ADGRL2: variants seen among roughly 807,000 people sequenced by gnomAD.
The protein encoded by ADGRL2 is adhesion G protein-coupled receptor L2.
Under a neutral mutation model 157.4 loss-of-function variants are expected in ADGRL2, and 44 were observed. That is an observed-to-expected ratio of 0.28 (90% CI 0.22 to 0.36). The LOEUF (loss-of-function observed/expected upper bound fraction) is 0.36, where lower values mean the gene tolerates loss of function less well. Among genes scored for constraint, ADGRL2 ranks in the 10% least tolerant of loss-of-function variants. ADGRL2 has a pLI of 1.00. For synonymous variants in ADGRL2, 585 were observed against 624.7 expected (o/e 0.94, Z 0.95); for missense variants, 1,510 against 1,768.9 (o/e 0.85, Z 2.63).
chr1:81,325,403 T>G (rs1660826564), intron 1 of ADGRL2, among the ~76,000 whole-genome samples: 1 of 152,212 alleles, frequency 6.6e-6, no homozygotes, highest in South Asian at 2.1e-4. Context: ...GAATTTCAGC[T>G]ATAAAGTTTT....
chr1:81,557,482 G>GAAAGAAAGAAAGAAGAAAGAAAGA (rs370696204), intron 2 of ADGRL2: 1 of 119,964 alleles, frequency 8.3e-6, no homozygotes, highest in African/African-American at 3.1e-5. Flanking sequence ...AAGAAAGAAA[G>GAAAGAAAGAAAGAAGAAAGAAAGA]AAGAAAGAAA....
chr1:81,950,318 G>A lies in ADGRL2; in HGVS notation c.1340G>A (p.Gly447Glu). The A allele has an allele frequency of 6.2e-7, 1 of 1,613,876 alleles. No individual in the cohort carries two copies. Among genetic ancestry groups the A allele is most frequent in the Non-Finnish European group, 8.5e-7 (1 of 1,179,914 alleles). ...GCTGGATCACAGGAAGGAAGCAAAG[G>A]GACAAAACCACCTCCAGCAGTTTCT... Reference protein sequence around the residue: ...TVAGSQEGSKGTKPPPAVSTT... With the variant: ...TVAGSQEGSKETKPPPAVSTT... The change falls in exon 7 of 24, where the codon GGG (glycine) becomes GAG (glutamate). Residue 447 changes from glycine (G) to glutamate (E), a missense_variant. Gly to Glu is a moderately conservative substitution (Grantham distance 98). Coordinates refer to ENST00000686636, the MANE Select transcript of ADGRL2 (RefSeq NM_001366006.2).
chr1:81,971,802 T>G lies in ADGRL2; in HGVS notation c.2955-50T>G. On this transcript the variant is annotated intron_variant, in intron 16 of 23. Coordinates refer to ENST00000686636, the MANE Select transcript of ADGRL2 (RefSeq NM_001366006.2). ...TTAAAATCCTATTTTCCTTGTGATG[T>G]TGAGGTTCCATAGAAACTACTAATG... 3.1e-6 allele frequency: 3 copies of G among 958,984 alleles called. 1 individual carries two copies. The highest frequency in any genetic ancestry group is 2.8e-5 in the South Asian group (2 of 71,266). 59.4% of individuals were successfully genotyped at this position (958,984 alleles called of 1,614,324 possible).
chr1:81,992,634 A>G lies in ADGRL2; in HGVS notation c.*1489A>G, dbSNP rs571531684. ...ATCTGCTGGATAAGTTTTAAGAGGG[A>G]TATATTCTGAAAGCATTTTTGTTTG... is the stretch of plus-strand genomic sequence containing the variant. On this transcript the variant is annotated 3_prime_UTR_variant, in exon 24 of 24. Transcript: ENST00000686636. Among the ~76,000 whole-genome samples the G allele has an allele frequency of 5.3e-5, 8 of 152,238 alleles. 1 individual carries two copies. The highest frequency in any genetic ancestry group is 1.0e-4 in the Non-Finnish European group (7 of 68,024).
At chr1:81,911,368 A>C (rs1307261741) in intron 3 of ADGRL2, among the ~76,000 whole-genome samples, 3 of 152,202 alleles carry the variant, frequency 2.0e-5, no homozygotes, top group Non-Finnish European at 4.4e-5. Flanking sequence ...GAATTCATTA[A>C]CAAACCAAAA....
chr1:81,469,410 G>A (rs979925950), intron 2 of ADGRL2, among the ~76,000 whole-genome samples: 1 of 152,136 alleles, frequency 6.6e-6, no homozygotes, highest in African/African-American at 2.4e-5. Flanking sequence ...CAGTGCTTCT[G>A]TTAAAGTCGC....
chr1:81,798,086 C>T (rs1024548496), upstream of ADGRL2, among the ~76,000 whole-genome samples: 1 of 152,102 alleles, frequency 6.6e-6, no homozygotes, highest in East Asian at 1.9e-4. Context: ...GCAGGGAATG[C>T]GTAACATACT....
intron 17 of ADGRL2, among the ~76,000 whole-genome samples, chr1:81,976,824 G>A (rs1421140009): frequency 3.3e-5 from 5 of 151,994 alleles, no homozygotes; most frequent in South Asian, 2.1e-4. Flanking sequence ...TGGCAAATCC[G>A]TCAGGCAGAA....
At chr1:81,475,051 C>T (rs2078244442) in intron 2 of ADGRL2, among the ~76,000 whole-genome samples, 1 of 152,168 alleles carries the variant, frequency 6.6e-6, no homozygotes, top group Non-Finnish European at 1.5e-5. Context: ...ACAATTCGTT[C>T]CTTAGGCCCC....
At chr1:81,972,037 T>C (rs1291790804) in intron 17 of ADGRL2, 119 bp downstream of exon 17, 2 of 522,190 alleles carry the variant, frequency 3.8e-6, no homozygotes, top group Admixed American at 3.7e-5. Context: ...TAAATATGCC[T>C]GTCTCACAGG....
chr1:81,836,990 G>A lies in ADGRL2; in HGVS notation c.6G>A (p.Val2=). 6.3e-7 allele frequency: 1 copy of A among 1,585,364 alleles called. No homozygotes were observed. The highest frequency in any genetic ancestry group is 8.6e-7 in the Non-Finnish European group (1 of 1,165,522). The change falls in exon 2 of 24, where the codon GTG becomes GTA. Residue 2 remains valine, a synonymous_variant. Transcript: ENST00000686636. ...AATACTTAAAGGGATCAATAATGGT[G>A]TCTTCTGGTTGCAGAATGCGAAGTC... is the stretch of plus-strand genomic sequence containing the variant. M[V]SSGCRMRSLW... is the part of the protein sequence containing the mutation.
chr1:81,901,932 A>G (rs1170445607), intron 2 of ADGRL2, among the ~76,000 whole-genome samples: 1 of 152,198 alleles, frequency 6.6e-6, no homozygotes. Context: ...GATTAAGGAC[A>G]TGCCCGTGCC....
At chr1:81,435,211 T>G (rs556252180) in intron 1 of ADGRL2, among the ~76,000 whole-genome samples, 32 of 152,318 alleles carry the variant, frequency 2.1e-4, no homozygotes, top group Middle Eastern at 6.8e-3. Flanking sequence ...TAATGACCCA[T>G]AAACTGACCT....
chr1:81,941,609 A>T (rs1648025488), intron 4 of ADGRL2, among the ~76,000 whole-genome samples: 1 of 151,848 alleles, frequency 6.6e-6, no homozygotes, highest in Non-Finnish European at 1.5e-5. Context: ...TTGAGTTCAC[A>T]TAAGATAAAT....
chr1:81,661,062 T>C (rs996484112), intron 3 of ADGRL2, among the ~76,000 whole-genome samples: 2 of 152,248 alleles, frequency 1.3e-5, no homozygotes, highest in Non-Finnish European at 2.9e-5. Context: ...TTAACTACTA[T>C]GTTTAATTCT....
At chr1:81,525,113 T>C (rs2079422036) in intron 2 of ADGRL2, among the ~76,000 whole-genome samples, 1 of 152,044 alleles carries the variant, frequency 6.6e-6, no homozygotes, top group Non-Finnish European at 1.5e-5. Flanking sequence ...AACTAAAATA[T>C]AACAAATTTT....
chr1:81,682,445 T>G (rs2083139586), intron 3 of ADGRL2, among the ~76,000 whole-genome samples: 1 of 152,202 alleles, frequency 6.6e-6, no homozygotes, highest in Non-Finnish European at 1.5e-5. Context: ...TCTACTATGT[T>G]TCATATGCTT....
intron 3 of ADGRL2, among the ~76,000 whole-genome samples, chr1:81,587,718 G>C (rs1269452328): frequency 6.6e-6 from 1 of 152,096 alleles, no homozygotes; most frequent in Non-Finnish European, 1.5e-5. Flanking sequence ...AAAATAGCTG[G>C]CATCAGTATA....
chr1:81,454,692 C>T (rs527565052), intron 2 of ADGRL2, among the ~76,000 whole-genome samples: 15 of 152,244 alleles, frequency 9.9e-5, no homozygotes, highest in African/African-American at 3.6e-4. Context: ...CAATCGACTA[C>T]GAACTTGAAA....
Sources: gnomAD v4.1 joint callset for allele counts (sites outside exome capture counted in the v4.1 genomes callset) on GRCh38, gnomAD v4.1.1 for gene constraint, MANE v1.5 for transcripts, NCBI Gene and HGNC (gene_info 2026-07-23, HGNC 2026-07-21) for gene names.